DYSF: variants seen among roughly 807,000 people sequenced by gnomAD.
DYSF encodes dystrophy-associated fer-1-like 1.
In DYSF, 212 loss-of-function variants were observed where a neutral mutation model predicts 274.9. That is an observed-to-expected ratio of 0.77 (90% CI 0.69 to 0.86). The LOEUF (loss-of-function observed/expected upper bound fraction) is 0.86. Among genes scored for constraint, DYSF ranks in the 40% least tolerant of loss-of-function variants. DYSF has a pLI of 0.00. For missense variants in DYSF, 2,666 were observed against 2,783.2 expected (o/e 0.96, Z 0.95); for synonymous variants, 1,091 against 1,078.7 (o/e 1.01, Z -0.22).
intron 4 of DYSF, among the ~76,000 whole-genome samples, chr2:71,509,968 G>A (rs999076559): frequency 2.6e-5 from 4 of 152,082 alleles, no homozygotes; most frequent in Admixed American, 1.3e-4. Flanking sequence ...AGTAGAGATG[G>A]GGTTTCACCA....
chr2:71,488,496 A>G (rs555148257), intron 3 of DYSF, among the ~76,000 whole-genome samples: 21 of 152,340 alleles, frequency 1.4e-4, no homozygotes, highest in African/African-American at 4.8e-4. Flanking sequence ...CAGGGGGCCC[A>G]GATGCAACAA....
Position 71,453,820 on chromosome 2 carries a change from C to A in DYSF, c.-179C>A, listed in dbSNP as rs6741336. On this transcript the variant is annotated 5_prime_UTR_variant, in exon 1 of 55. Coordinates refer to the DYSF transcript ENST00000258104. The stretch of plus-strand genomic sequence containing the variant: ...GACCCAGCCTAGCCCACTGGAGCAG[C>A]CGGGGGTGGCCCGTTCCCCTTTAAG... 0.12 allele frequency: 81,196 copies of A among 674,250 alleles called. 7,656 individuals carry two copies. The highest frequency in any genetic ancestry group is 0.43 in the East Asian group (15,847 of 36,446). The allele number at this position is 674,250 out of a possible 1,614,324, so 41.8% of individuals were successfully genotyped here.
intron 30 of DYSF, among the ~76,000 whole-genome samples, chr2:71,575,601 G>C (rs2092676080): frequency 6.6e-6 from 1 of 152,120 alleles, no homozygotes; most frequent in South Asian, 2.1e-4. Flanking sequence ...GAAAGGGCCT[G>C]GCCTGAGCAC....
intron 17 of DYSF, among the ~76,000 whole-genome samples, chr2:71,545,216 C>T (rs1158134837): frequency 6.6e-6 from 1 of 152,166 alleles, no homozygotes; most frequent in African/African-American, 2.4e-5. Context: ...AATGAAAAGA[C>T]TGGTTTGGCT....
At chr2:71,476,613 A>G (rs561147235) in intron 1 of DYSF, among the ~76,000 whole-genome samples, 1 of 152,104 alleles carries the variant, frequency 6.6e-6, no homozygotes, top group East Asian at 1.9e-4. Context: ...ATGCACTCAC[A>G]GTTAAAAATA....
intron 10 of DYSF, among the ~76,000 whole-genome samples, chr2:71,518,261 T>C (rs1455249015): frequency 6.6e-6 from 1 of 151,298 alleles, no homozygotes. Flanking sequence ...TATGATTTTT[T>C]TTTTTTTTTT....
chr2:71,674,124 C>T (rs1655030789), intron 51 of DYSF, 73 bp from the exon 52 acceptor site: 2 of 1,431,850 alleles, frequency 1.4e-6, no homozygotes, highest in East Asian at 2.3e-5. Context: ...GGCAGCCTTC[C>T]AGGCTGGAAG....
At chr2:71,511,065 G>A (rs1408375909) in intron 4 of DYSF, among the ~76,000 whole-genome samples, 2 of 152,228 alleles carry the variant, frequency 1.3e-5, no homozygotes, top group Admixed American at 6.5e-5. Context: ...AGGCCCGGGA[G>A]CAGCCAGGCT....
intron 30 of DYSF, 108 bp from the exon 31 acceptor site, chr2:71,589,485 G>A (rs538664199): frequency 5.6e-5 from 49 of 875,018 alleles, no homozygotes; most frequent in South Asian, 3.6e-4. Context: ...TTCAGCTTTC[G>A]GCAGCGGAGA....
intron 41 of DYSF, among the ~76,000 whole-genome samples, chr2:71,629,075 C>T (rs2094265924): frequency 6.6e-6 from 1 of 152,188 alleles, no homozygotes; most frequent in African/African-American, 2.4e-5. Flanking sequence ...ATTCTCTCAT[C>T]ATTTCTGGAA....
intron 4 of DYSF, 34 bp downstream of exon 4, chr2:71,503,353 C>T: frequency 6.2e-7 from 1 of 1,607,574 alleles, no homozygotes; most frequent in Non-Finnish European, 8.5e-7. Flanking sequence ...AGGTTAAGGT[C>T]CAAGGCATTG....
chr2:71,571,285 CACACCTAGCACACACAGATT>C (rs1426675374), intron 29 of DYSF, among the ~76,000 whole-genome samples: 13 of 151,226 alleles, frequency 8.6e-5, no homozygotes, highest in Admixed American at 7.9e-4. Context: ...ACCCACAGTT[CACACCTAGCACACACAGATT>C]ACACCTAGCA....
intron 41 of DYSF, among the ~76,000 whole-genome samples, chr2:71,641,198 A>G (rs2094479738): frequency 2.8e-5 from 1 of 36,212 alleles, no homozygotes. Flanking sequence ...TTTTTTTTTG[A>G]GACGGAGTCT....
At chr2:71,554,277 C>A (rs2091184894) in intron 21 of DYSF, among the ~76,000 whole-genome samples, 1 of 152,192 alleles carries the variant, frequency 6.6e-6, no homozygotes, top group African/African-American at 2.4e-5. Context: ...GTAATGCACA[C>A]AAGGGCTTGT....
intron 32 of DYSF, among the ~76,000 whole-genome samples, chr2:71,592,584 C>G (rs985938399): frequency 6.6e-6 from 1 of 152,212 alleles, no homozygotes; most frequent in African/African-American, 2.4e-5. Context: ...GCTGGCATTT[C>G]TCTGAGGAAA....
rs112026991 is a variant in DYSF at position 71,608,310 on chromosome 2, A to G, written c.3958-2935A>G. Among the ~76,000 whole-genome samples the G allele has an allele frequency of 3.3e-5, 5 of 152,150 alleles. No homozygotes were observed. In the East Asian group the frequency reaches 7.7e-4, roughly 24 times the overall value. On this transcript the variant is annotated intron_variant, in intron 36 of 55. Transcript: ENST00000410020. ...GGATGTCTTTAAATTGGGAAGGAGC[A>G]GATCCAGGAGATAGTGTGAAAAATT... is the stretch of plus-strand genomic sequence containing the variant.
At chr2:71,581,789 T>G (rs79040081) in intron 30 of DYSF, among the ~76,000 whole-genome samples, 2,558 of 152,206 alleles carry the variant, frequency 0.017, 62 homozygotes, top group African/African-American at 0.057. Flanking sequence ...AACCTCTTCT[T>G]ATGGAGCAGG....
At chr2:71,646,341 G>A (rs908539504) in intron 42 of DYSF, among the ~76,000 whole-genome samples, 2 of 152,232 alleles carry the variant, frequency 1.3e-5, no homozygotes, top group Admixed American at 6.5e-5. Context: ...TCCCTCAGGT[G>A]CGGATGCTGA....
chr2:71,564,468 G>A (rs2091966406), intron 24 of DYSF, among the ~76,000 whole-genome samples: 1 of 152,180 alleles, frequency 6.6e-6, no homozygotes, highest in Non-Finnish European at 1.5e-5. Context: ...ATGAGGTGGA[G>A]TCTGTGGCCC....
Sources: gnomAD v4.1 joint callset for allele counts (sites outside exome capture counted in the v4.1 genomes callset) on GRCh38, gnomAD v4.1.1 for gene constraint, MANE v1.5 for transcripts, NCBI Gene and HGNC (gene_info 2026-07-23, HGNC 2026-07-21) for gene names.